Variants in SCN4A observed in about 807,000 individuals in gnomAD.
SCN4A encodes the protein sodium voltage-gated channel alpha subunit 4.
SCN4A carries 83 observed loss-of-function variants against 162.0 expected under a neutral mutation model. The ratio of observed to expected loss-of-function variants is 0.51; its 90% confidence interval spans 0.43 to 0.61. SCN4A has a LOEUF of 0.61. SCN4A is among the 20% of genes least tolerant of loss of function. The probability of loss-of-function intolerance (pLI) is 0.00; values close to 1 mark genes in which losing one functional copy is unlikely to be tolerated. For missense variants in SCN4A, 2,196 were observed against 2,462.5 expected (o/e 0.89, Z 2.29); for synonymous variants, 944 against 985.1 (o/e 0.96, Z 0.78).
At position 63,941,500 on chromosome 17, in the gene SCN4A, G is replaced by A. The variant is rs190975011; in HGVS notation, c.4782C>T (p.Ile1594=). 1.7e-5 allele frequency: 27 copies of A among 1,614,136 alleles called. No homozygotes were observed. Among genetic ancestry groups the A allele is most frequent in the African/African-American group, 6.7e-5 (5 of 75,020 alleles). The part of the protein sequence containing the change: ...ISFLIVVNMY[I]AIILENFNVA... ...CATTGAAGTTCTCCAGGATGATGGC[G>A]ATGTACATGTTGACCACGATGAGGA... The change falls in exon 24 of 24, where the codon ATC becomes ATT. Residue 1594 remains isoleucine (I), a synonymous_variant. Transcript: ENST00000435607. The surrounding 1 kb of genome is among the most constrained non-coding windows in gnomAD (Gnocchi z 6.2).
At chr17:63,949,275 G>C in intron 15 of SCN4A, 118 bp downstream of exon 15, 1 of 1,101,126 alleles carries the variant, frequency 9.1e-7, no homozygotes, top group South Asian at 1.6e-5. Flanking sequence ...AGACACGTGA[G>C]GCACGGGGAT....
chr17:63,950,993 T>C lies in SCN4A; in HGVS notation c.2853+431A>G, dbSNP rs950634703. 2.6e-5 allele frequency among the ~76,000 whole-genome samples: 4 copies of C among 152,098 alleles called. No individual in the cohort carries two copies. Among genetic ancestry groups the C allele is most frequent in the Non-Finnish European group, 4.4e-5 (3 of 68,008 alleles). ...CTGGGAGGTTGGGAGCAGACCCAGG[T>C]GGGGTCTAAACAGAGATAGAGGATA... On this transcript the variant is annotated intron_variant, in intron 14 of 23. Transcript: ENST00000435607. This position sits in a 1 kb window ranked among gnomAD's most constrained non-coding sequence, Gnocchi z 4.6.
chr17:63,946,257 C>T (rs1308149229), intron 18 of SCN4A, among the ~76,000 whole-genome samples: 1 of 152,188 alleles, frequency 6.6e-6, no homozygotes, highest in Admixed American at 6.5e-5. Context: ...AGCTGCATGG[C>T]CACAGGCAGC....
At chr17:63,964,963 G>A (rs185960139) in intron 8 of SCN4A, among the ~76,000 whole-genome samples, 14 of 152,206 alleles carry the variant, frequency 9.2e-5, no homozygotes, top group African/African-American at 3.4e-4. Context: ...TGGGTTTGGG[G>A]TCAGCTTGAA....
Position 63,951,450 on chromosome 17 carries a change from T to A in SCN4A, c.2827A>T (p.Thr943Ser). Residue 943 changes from threonine to serine, a missense_variant, in exon 14 of 24, where the codon ACT (threonine) becomes TCT (serine). Thr to Ser is a moderately conservative substitution (Grantham distance 58). Transcript: ENST00000435607. The surrounding 1 kb of genome is among the most constrained non-coding windows in gnomAD (Gnocchi z 4.5). ...LEMPTEEETD[T>S]FSEPEDSKKP... ...TTGCTATCCTCAGGCTCTGAGAAAG[T>A]GTCGGTTTCCTCCTCGGTGGGCATC... 6.2e-7 allele frequency: 1 copy of A among 1,605,264 alleles called. No individual in the cohort carries two copies. The highest frequency in any genetic ancestry group is 8.5e-7 in the Non-Finnish European group (1 of 1,172,890).
Position 63,941,922 on chromosome 17 carries a change from G to A in SCN4A, c.4360C>T (p.Arg1454Trp), listed in dbSNP as rs879253789. 8.7e-6 allele frequency: 14 copies of A among 1,610,160 alleles called. No individual in the cohort carries two copies. Among genetic ancestry groups the A allele is most frequent in the East Asian group, 4.5e-5 (2 of 44,798 alleles). The change falls in exon 24 of 24, where the codon CGG (arginine) becomes TGG (tryptophan). Residue 1454 changes from arginine to tryptophan, a missense_variant. Coordinates refer to ENST00000435607, the MANE Select transcript of SCN4A (RefSeq NM_000334.4). This position sits in a 1 kb window ranked among gnomAD's most constrained non-coding sequence, Gnocchi z 6.2. ...PTLFRVIRLA[R>W]IGRVLRLIRG... ...ATCAGCCGCAGGACACGCCCAATCC[G>A]CGCCAGGCGGATCACACGGAACAGC...
At chr17:63,947,009 TCCCC>T in intron 18 of SCN4A, 32 bp downstream of exon 18, 1 of 716,394 alleles carries the variant, frequency 1.4e-6, no homozygotes, top group Non-Finnish European at 2.4e-6. Flanking sequence ...CGGTCCCCCA[TCCCC>T]AGCCCACCCC....
intron 6 of SCN4A, among the ~76,000 whole-genome samples, 170 bp downstream of exon 6, chr17:63,967,853 A>G (rs1255553772): frequency 1.3e-5 from 2 of 151,938 alleles, no homozygotes; most frequent in Non-Finnish European, 2.9e-5. Flanking sequence ...GAATCGCTTG[A>G]AGCCGGGAGG....
At chr17:63,959,995 G>A (rs1462034675) in intron 11 of SCN4A, among the ~76,000 whole-genome samples, 2 of 152,188 alleles carry the variant, frequency 1.3e-5, no homozygotes, top group East Asian at 3.8e-4. Flanking sequence ...TGCAAATCTT[G>A]GCAGACTCAA....
In SCN4A at chr17:63,972,652, G is replaced by C. The variant is rs1480788895; in HGVS notation, c.190C>G (p.Leu64Val). The change falls in exon 1 of 24, where the codon CTA (leucine) becomes GTA (valine). Residue 64 changes from leucine (L) to valine (V), a missense_variant. Physicochemically the swap from Leu to Val is conservative, Grantham distance 32 (BLOSUM62 1). Transcript: ENST00000435607. The surrounding 1 kb of genome is among the most constrained non-coding windows in gnomAD (Gnocchi z 4.3). ...GGGGGGTCTCCGTAGATCATGGGTA[G>C]GTTCTTGCCAGCCTCCAAGTCACTT... ...PRSDLEAGKNLPMIYGDPPPE... is the reference protein window; with the variant it reads ...PRSDLEAGKNVPMIYGDPPPE... 8.7e-6 allele frequency: 14 copies of C among 1,612,746 alleles called. No homozygotes were observed. Among genetic ancestry groups the C allele is most frequent in the Non-Finnish European group, 1.2e-5 (14 of 1,179,368 alleles).
chr17:63,972,202 A>C lies in SCN4A; in HGVS notation c.416T>G (p.Ile139Ser). 1 of 1,613,630 alleles carries C rather than the reference A, an allele frequency of 6.2e-7. No homozygotes were observed. Among genetic ancestry groups the C allele is most frequent in the South Asian group, 1.1e-5 (1 of 90,980 alleles). Residue 139 changes from isoleucine (I) to serine (S), a missense_variant, in exon 3 of 24, where the codon ATC (isoleucine) becomes AGC (serine). Physicochemically the swap from Ile to Ser is moderately radical, Grantham distance 142. Coordinates refer to ENST00000435607, the MANE Select transcript of SCN4A (RefSeq NM_000334.4). This position sits in a 1 kb window ranked among gnomAD's most constrained non-coding sequence, Gnocchi z 4.3. ...GAATACGCAGTTGGTCAAGATGGTG[A>C]TCATGATGAACATGCTGAACAGCGT... is the stretch of plus-strand genomic sequence containing the variant. ...IHALFSMFIM[I>S]TILTNCVFMT... is the part of the protein sequence containing the mutation.
Position 63,948,036 on chromosome 17 carries a change from G to A in SCN4A, c.3172C>T (p.Arg1058Trp), listed in dbSNP as rs764018183. The change falls in exon 17 of 24, where the codon CGG becomes TGG. Residue 1058 changes from arginine to tryptophan, a missense_variant. Coordinates refer to ENST00000435607, the MANE Select transcript of SCN4A (RefSeq NM_000334.4). ...TCTAGGATGGTGCGAATGACTCGCCGCTGCTCAATGTAGATGTCCTCGAAG... is the reference window on the plus strand; with the variant it reads ...TCTAGGATGGTGCGAATGACTCGCCACTGCTCAATGTAGATGTCCTCGAAG... Reference protein sequence around the residue: ...LAFEDIYIEQRRVIRTILEYA... With the variant: ...LAFEDIYIEQWRVIRTILEYA... The A allele has an allele frequency of 3.1e-6, 5 of 1,610,816 alleles. No individual in the cohort carries two copies. The highest frequency in any genetic ancestry group is 3.3e-5 in the Admixed American group (2 of 59,910).
chr17:63,959,935 A>G (rs1483814223), intron 11 of SCN4A, among the ~76,000 whole-genome samples: 1 of 152,184 alleles, frequency 6.6e-6, no homozygotes, highest in Non-Finnish European at 1.5e-5. Flanking sequence ...TCAGTTCAGC[A>G]TCCTGTCTGT....
At chr17:63,963,945 G>T in intron 9 of SCN4A, 120 bp from the exon 10 acceptor site, 1 of 993,950 alleles carries the variant, frequency 1.0e-6, no homozygotes, top group Non-Finnish European at 1.4e-6. Context: ...CCTGGCCTGT[G>T]TCAAACTTAG....
intron 22 of SCN4A, 130 bp from the exon 23 acceptor site, chr17:63,943,226 G>A: frequency 9.3e-7 from 1 of 1,072,700 alleles, no homozygotes; most frequent in Non-Finnish European, 1.4e-6. Context: ...GAGAGAGAGA[G>A]AGAGAGAGAG....
intron 6 of SCN4A, among the ~76,000 whole-genome samples, chr17:63,966,750 C>G (rs1356493031): frequency 6.6e-6 from 1 of 152,226 alleles, no homozygotes; most frequent in Non-Finnish European, 1.5e-5. Context: ...TCAGCTTGAG[C>G]CCTGTCAGCC....
chr17:63,962,061 C>T (rs74574077), intron 10 of SCN4A, among the ~76,000 whole-genome samples: 2,463 of 152,096 alleles, frequency 0.016, 62 homozygotes, highest in African/African-American at 0.056. Context: ...AATGCCCTGC[C>T]TCAAGCCCCG....
Position 63,951,261 on chromosome 17 carries a change from C to T in SCN4A, c.2853+163G>A, listed in dbSNP as rs1388041349. ...GCCACCACTCACAGGGCGCGGACTGCATGCTTTACATACAGCGTCTCACAT... is the reference window on the plus strand; with the variant it reads ...GCCACCACTCACAGGGCGCGGACTGTATGCTTTACATACAGCGTCTCACAT... On this transcript the variant is annotated intron_variant, in intron 14 of 23. Coordinates refer to ENST00000435607, the MANE Select transcript of SCN4A (RefSeq NM_000334.4). The surrounding 1 kb of genome is among the most constrained non-coding windows in gnomAD (Gnocchi z 4.5). Among the ~76,000 whole-genome samples, 2 of 152,238 alleles carry T rather than the reference C, an allele frequency of 1.3e-5. No individual in the cohort carries two copies. Among genetic ancestry groups the T allele is most frequent in the African/African-American group, 4.8e-5 (2 of 41,452 alleles).
intron 8 of SCN4A, among the ~76,000 whole-genome samples, chr17:63,964,900 A>G (rs1909390478): frequency 6.6e-6 from 1 of 152,174 alleles, no homozygotes; most frequent in Non-Finnish European, 1.5e-5. Context: ...TCAGAGGAGG[A>G]CCGAAGCCAG....
Sources: gnomAD v4.1 joint callset for allele counts (sites outside exome capture counted in the v4.1 genomes callset) on GRCh38, gnomAD v4.1.1 for gene constraint, Gnocchi (gnomAD v3.1) non-coding constraint, MANE v1.5 for transcripts, NCBI Gene and HGNC (gene_info 2026-07-23, HGNC 2026-07-21) for gene names.